Variants in PTBP3 observed in about 807,000 individuals in gnomAD.
PTBP3 encodes the protein polypyrimidine tract binding protein 3.
In PTBP3, 20 loss-of-function variants were observed where a neutral mutation model predicts 58.7. The ratio of observed to expected loss-of-function variants is 0.34; its 90% CI spans 0.24 to 0.50. The LOEUF is 0.50. Ranked by LOEUF, PTBP3 falls within the 20% of genes least tolerant of loss-of-function variation. The probability of loss-of-function intolerance (pLI) is 0.98; values close to 1 mark genes in which losing one functional copy is unlikely to be tolerated. For synonymous variants in PTBP3, 185 were observed against 219.8 expected (o/e 0.84, Z 1.40); for missense variants, 509 against 637.2 (o/e 0.80, Z 2.17).
At chr9:112,300,474 C>T (rs539566034) in intron 1 of PTBP3, among the ~76,000 whole-genome samples, 4 of 152,344 alleles carry the variant, frequency 2.6e-5, no homozygotes, top group African/African-American at 9.6e-5. Flanking sequence ...CAGTCACGGC[C>T]GGGCGTGGTG....
At chr9:112,243,773 G>A (rs1835756676) in intron 7 of PTBP3, among the ~76,000 whole-genome samples, 1 of 152,102 alleles carries the variant, frequency 6.6e-6, no homozygotes, top group African/African-American at 2.4e-5. Context: ...CTTACATTGG[G>A]CTTATGTTAG....
intron 4 of PTBP3, 58 bp downstream of exon 4, chr9:112,267,991 G>GT: frequency 6.7e-7 from 1 of 1,489,718 alleles, no homozygotes; most frequent in East Asian, 2.3e-5. Context: ...TGTAAAGTAT[G>GT]TAAGTTATCA....
chr9:112,305,712 G>A (rs1342925295), intron 1 of PTBP3, among the ~76,000 whole-genome samples: 4 of 152,100 alleles, frequency 2.6e-5, no homozygotes, highest in African/African-American at 7.2e-5. Flanking sequence ...AGGCCGAGGG[G>A]GGCGGATAAT....
In PTBP3 at chr9:112,220,951, G is replaced by T; in HGVS notation, c.*2900C>A. On this transcript the variant is annotated 3_prime_UTR_variant, in exon 14 of 14. Coordinates refer to ENST00000374257, the MANE Select transcript of PTBP3 (RefSeq NM_001163788.4). ...GCTAGAAGATACTGAATAAATGCAT[G>T]CCAAAACAGAGATACACAGATCTAG... 2.1e-6 allele frequency: 2 copies of T among 964,052 alleles called. No individual in the cohort carries two copies. Among genetic ancestry groups the T allele is most frequent in the Non-Finnish European group, 1.2e-6 (1 of 810,600 alleles). 59.7% of individuals were successfully genotyped at this position (964,052 alleles called of 1,614,324 possible).
At chr9:112,279,913 CT>C (rs35127539) in intron 2 of PTBP3, among the ~76,000 whole-genome samples, 127,878 of 152,112 alleles carry the variant, frequency 0.84, 54,043 homozygotes, top group African/African-American at 0.92. Flanking sequence ...ATCAGTAACA[CT>C]TTTAAATTTT....
At chr9:112,243,593 A>T (rs1835749393) in intron 7 of PTBP3, among the ~76,000 whole-genome samples, 3 of 152,192 alleles carry the variant, frequency 2.0e-5, no homozygotes, top group Non-Finnish European at 4.4e-5. Context: ...AACTGACATT[A>T]TCTGTAGATG....
At position 112,222,800 on chromosome 9, in the gene PTBP3, C is replaced by T. The variant is rs1834850099; in HGVS notation, c.*1051G>A. ...TGTATCTTAAGCACATAATAAGGCA[C>T]ATAATAAGAAATTAAGTAAATACAC... On this transcript the variant is annotated 3_prime_UTR_variant, in exon 14 of 14. Coordinates refer to ENST00000374257, the MANE Select transcript of PTBP3 (RefSeq NM_001163788.4). 3.3e-6 allele frequency: 3 copies of T among 914,236 alleles called. No homozygotes were observed. Among genetic ancestry groups the T allele is most frequent in the African/African-American group, 1.8e-5 (1 of 55,458 alleles). 56.6% of individuals were successfully genotyped at this position (914,236 alleles called of 1,614,324 possible).
chr9:112,290,002 C>T (rs1286426664), intron 2 of PTBP3, among the ~76,000 whole-genome samples: 2 of 152,030 alleles, frequency 1.3e-5, no homozygotes, highest in Non-Finnish European at 2.9e-5. Context: ...AATCAATTTG[C>T]AGACAATTGA....
intron 3 of PTBP3, among the ~76,000 whole-genome samples, chr9:112,272,222 T>C (rs1053074737): frequency 6.6e-6 from 1 of 151,906 alleles, no homozygotes; most frequent in African/African-American, 2.4e-5. Flanking sequence ...GCCGCCACAC[T>C]TGGCTAATTT....
chr9:112,277,487 A>G (rs1485778821), intron 2 of PTBP3, among the ~76,000 whole-genome samples: 1 of 151,958 alleles, frequency 6.6e-6, no homozygotes, highest in Non-Finnish European at 1.5e-5. Flanking sequence ...CCCCCACTTC[A>G]GCTCTCCCTT....
In PTBP3 at chr9:112,223,690, T is replaced by C; in HGVS notation, c.*161A>G. ...CTTTGACTGGCGGGGGCAGGGGGAA[T>C]ACAAAAAAAAAAAATCCCTTGATTT... On this transcript the variant is annotated 3_prime_UTR_variant, in exon 14 of 14. Coordinates refer to ENST00000374257, the MANE Select transcript of PTBP3 (RefSeq NM_001163788.4). 1 of 1,342,912 alleles carries C rather than the reference T, an allele frequency of 7.4e-7. No individual in the cohort carries two copies. The highest frequency in any genetic ancestry group is 3.4e-5 in the Admixed American group (1 of 29,466). 83.2% of individuals were successfully genotyped at this position (1,342,912 alleles called of 1,614,324 possible).
chr9:112,321,917 C>G (rs1829965575), intron 1 of PTBP3, among the ~76,000 whole-genome samples: 1 of 152,062 alleles, frequency 6.6e-6, no homozygotes, highest in African/African-American at 2.4e-5. Context: ...GGGCGGATCA[C>G]AAGGCCAGGA....
the PTBP3 span, among the ~76,000 whole-genome samples, chr9:112,371,338 T>C: frequency 2.6e-5 from 4 of 152,346 alleles, no homozygotes; most frequent in Non-Finnish European, 5.9e-5. Context: ...TGCTGCCTCA[T>C]TCTACATCCT....
chr9:112,246,954 G>A (rs1356443853), intron 7 of PTBP3, among the ~76,000 whole-genome samples: 1 of 152,104 alleles, frequency 6.6e-6, no homozygotes, highest in Non-Finnish European at 1.5e-5. Flanking sequence ...ATACAATGAT[G>A]AGGAAAACCC....
At chr9:112,307,018 T>C (rs1829249140) in intron 1 of PTBP3, among the ~76,000 whole-genome samples, 2 of 152,240 alleles carry the variant, frequency 1.3e-5, no homozygotes, top group Admixed American at 1.3e-4. Context: ...ACTTCAATTC[T>C]ATTTCAATGA....
chr9:112,243,555 A>C (rs978457311), intron 7 of PTBP3, among the ~76,000 whole-genome samples: 11 of 152,192 alleles, frequency 7.2e-5, no homozygotes, highest in African/African-American at 2.7e-4. Flanking sequence ...AAATAAAAAA[A>C]GCCCCAGGGA....
intron 2 of PTBP3, among the ~76,000 whole-genome samples, chr9:112,287,808 A>G (rs371704029): frequency 9.9e-5 from 15 of 152,196 alleles, no homozygotes; most frequent in East Asian, 3.9e-4. Flanking sequence ...TCCTATGCTC[A>G]TATTTTCCTT....
chr9:112,351,256 C>T, the PTBP3 span, among the ~76,000 whole-genome samples: 1 of 152,186 alleles, frequency 6.6e-6, no homozygotes, highest in Non-Finnish European at 1.5e-5. Flanking sequence ...TTTGTGATGA[C>T]CTTCACAGTT....
At position 112,228,478 on chromosome 9, in the gene PTBP3, T is replaced by TAAAAC. The variant is rs745637694; in HGVS notation, c.1055-11_1055-7dup. Reference sequence around the variant, plus strand: ...ATGTACATCACCATAGACTCCTAATTAAAACAAAACAAAACACTGTGTTTA... The same window carrying TAAAAC: ...ATGTACATCACCATAGACTCCTAATTAAAACAAAACAAAACAAAACACTGTGTTTA... On this transcript the variant is annotated splice_polypyrimidine_tract_variant and splice_region_variant and intron_variant, in intron 10 of 13. Transcript: ENST00000374257. The TAAAAC allele has an allele frequency of 9.7e-6, 15 of 1,552,224 alleles. No individual in the cohort carries two copies. The highest frequency in any genetic ancestry group is 2.0e-5 in the Admixed American group (1 of 50,156).
Sources: allele counts gnomAD v4.1 joint callset (sites outside exome capture counted in the v4.1 genomes callset), GRCh38; gene constraint gnomAD v4.1.1; transcripts MANE v1.5; gene names NCBI Gene and HGNC (gene_info 2026-07-23, HGNC 2026-07-21).